Variants in MBNL1 observed in about 807,000 individuals in gnomAD.
The protein encoded by MBNL1 is muscleblind-like protein 1.
Under a neutral mutation model 42.2 loss-of-function variants are expected in MBNL1, and 8 were observed. That is an observed-to-expected ratio of 0.19 (90% confidence interval 0.11 to 0.34). MBNL1 has a LOEUF of 0.34. Among genes scored for constraint, MBNL1 ranks in the 10% least tolerant of loss-of-function variants. The pLI is 1.00. For missense variants in MBNL1, 309 were observed against 495.3 expected, an observed-to-expected ratio of 0.62 and a Z score of 3.57; for synonymous variants, 169 against 173.9, an observed-to-expected ratio of 0.97 and a Z score of 0.22.
chr3:152,303,747 G>T (rs2061693870), intron 2 of MBNL1, among the ~76,000 whole-genome samples: 1 of 151,770 alleles, frequency 6.6e-6, no homozygotes, highest in Admixed American at 6.6e-5. Context: ...AAGCTTTTAC[G>T]ATATGATCAA....
chr3:152,402,943 T>C (rs1560458012), intron 2 of MBNL1, among the ~76,000 whole-genome samples: 1 of 151,980 alleles, frequency 6.6e-6, no homozygotes, highest in Non-Finnish European at 1.5e-5. Flanking sequence ...GTGTAAACAG[T>C]GCCCAGTATT....
chr3:152,390,842 T>A (rs1425434477), intron 2 of MBNL1, among the ~76,000 whole-genome samples: 1 of 152,026 alleles, frequency 6.6e-6, no homozygotes, highest in Non-Finnish European at 1.5e-5. Flanking sequence ...GACTGCAGAG[T>A]AGCAGAGCAG....
At chr3:152,334,984 T>C in intron 2 of MBNL1, 1 of 780,726 alleles carries the variant, frequency 1.3e-6, no homozygotes, top group South Asian at 1.9e-5. Flanking sequence ...AAGAATGCTT[T>C]GGCTAGCATC....
At chr3:152,283,143 C>T (rs1305330045) in intron 1 of MBNL1, among the ~76,000 whole-genome samples, 1 of 152,180 alleles carries the variant, frequency 6.6e-6, no homozygotes, top group African/African-American at 2.4e-5. Flanking sequence ...TTAGAGCAAT[C>T]ACCAACTGCA....
Position 152,459,321 on chromosome 3 carries a change from G to C in MBNL1, c.1143G>C (p.Gln381His), listed in dbSNP as rs760876831. 5.1e-6 allele frequency: 8 copies of C among 1,573,718 alleles called. No homozygotes were observed. The East Asian group carries it at 1.9e-4, about 36-fold the overall frequency. Residue 381 changes from glutamine (Q) to histidine (H), a missense_variant, in exon 9 of 10, where the codon CAG becomes CAC. Coordinates refer to ENST00000324210, the MANE Select transcript of MBNL1 (RefSeq NM_021038.5). The stretch of plus-strand genomic sequence containing the variant: ...TGACTAGCCACAAGTATGTTACCCA[G>C]ATGTAGAATTTTCATCACTAAACAG... The part of the protein sequence containing the change: ...EHLTSHKYVT[Q>H]M
At chr3:152,287,384 A>T (rs910184424) in intron 1 of MBNL1, among the ~76,000 whole-genome samples, 8 of 152,200 alleles carry the variant, frequency 5.3e-5, no homozygotes, top group African/African-American at 1.9e-4. Context: ...TTGTGTCACC[A>T]AATCTTTAAA....
intron 1 of MBNL1, among the ~76,000 whole-genome samples, chr3:152,291,331 CT>C (rs1188855099): frequency 1.3e-5 from 2 of 152,156 alleles, no homozygotes; most frequent in African/African-American, 4.8e-5. Context: ...CCACATAAAT[CT>C]GTTTCGAATA....
chr3:152,248,145 A>C (rs773195159), intron 2 of MBNL1, among the ~76,000 whole-genome samples: 1 of 152,042 alleles, frequency 6.6e-6, no homozygotes, highest in Non-Finnish European at 1.5e-5. Context: ...CCTTAATTCA[A>C]TCTATTTTCT....
chr3:152,343,493 G>T lies in MBNL1; in HGVS notation c.174+43126G>T, dbSNP rs536933929. Among the ~76,000 whole-genome samples, 51 of 152,208 alleles carry T rather than the reference G, an allele frequency of 3.4e-4. 1 individual carries two copies. Among genetic ancestry groups the T allele is most frequent in the African/African-American group, 1.2e-3 (50 of 41,542 alleles). On this transcript the variant is annotated intron_variant, in intron 2 of 9. Coordinates refer to ENST00000324210, the MANE Select transcript of MBNL1 (RefSeq NM_021038.5). ...TATTTGCAACTTTAGAACAGTGTCTGGGAAATAGTGGGCACCCAATGCATG... is the reference window on the plus strand; with the variant it reads ...TATTTGCAACTTTAGAACAGTGTCTTGGAAATAGTGGGCACCCAATGCATG...
At chr3:152,306,097 A>G (rs2062986468) in intron 2 of MBNL1, among the ~76,000 whole-genome samples, 1 of 151,960 alleles carries the variant, frequency 6.6e-6, no homozygotes, top group African/African-American at 2.4e-5. Flanking sequence ...TGACCATTAC[A>G]TTTCTTCTTT....
At chr3:152,345,943 TTTTG>T (rs761747782) in intron 2 of MBNL1, among the ~76,000 whole-genome samples, 48 of 152,240 alleles carry the variant, frequency 3.2e-4, no homozygotes, top group Admixed American at 5.2e-4. Context: ...TAGGCTGGAT[TTTTG>T]TTTGTTTGTT....
At chr3:152,452,979 A>G (rs1726380122) in intron 6 of MBNL1, among the ~76,000 whole-genome samples, 1 of 152,084 alleles carries the variant, frequency 6.6e-6, no homozygotes, top group African/African-American at 2.4e-5. Flanking sequence ...CAAAGAAGAG[A>G]AAAAGATTTG....
chr3:152,251,337 A>G (rs1291568754), intron 2 of MBNL1, among the ~76,000 whole-genome samples: 3 of 152,110 alleles, frequency 2.0e-5, no homozygotes, highest in African/African-American at 7.2e-5. Context: ...AAACATTTAT[A>G]CATGGTGGCT....
chr3:152,404,221 A>G (rs895284991), intron 2 of MBNL1, among the ~76,000 whole-genome samples: 1 of 152,174 alleles, frequency 6.6e-6, no homozygotes, highest in Non-Finnish European at 1.5e-5. Context: ...TGTAATATAT[A>G]CTAATTTCTG....
At chr3:152,303,402 G>C (rs1577430576) in intron 2 of MBNL1, among the ~76,000 whole-genome samples, 1 of 152,102 alleles carries the variant, frequency 6.6e-6, no homozygotes, top group Admixed American at 6.5e-5. Flanking sequence ...AATAGTCTAA[G>C]AGCGTATTCA....
intron 2 of MBNL1, among the ~76,000 whole-genome samples, chr3:152,346,308 C>T (rs1430210783): frequency 6.6e-6 from 1 of 152,110 alleles, no homozygotes; most frequent in Non-Finnish European, 1.5e-5. Context: ...ATAGATTGTG[C>T]ATCTCAATGT....
At chr3:152,310,820 T>TG (rs986043827) in intron 2 of MBNL1, among the ~76,000 whole-genome samples, 26 of 151,618 alleles carry the variant, frequency 1.7e-4, no homozygotes, top group African/African-American at 5.6e-4. Flanking sequence ...ATAGACTGTT[T>TG]GGGGGGGTTG....
intron 2 of MBNL1, among the ~76,000 whole-genome samples, chr3:152,389,205 C>T (rs757841613): frequency 2.6e-5 from 4 of 152,156 alleles, no homozygotes; most frequent in Non-Finnish European, 5.9e-5. Context: ...TCTCCGGCCT[C>T]AGCCTCCAGA....
chr3:152,446,587 T>C, intron 5 of MBNL1: 1 of 702,158 alleles, frequency 1.4e-6, no homozygotes, highest in Non-Finnish European at 2.5e-6. Context: ...TTGTTTTTTC[T>C]CACCTACCCA....
Sources: allele counts gnomAD v4.1 joint callset (sites outside exome capture counted in the v4.1 genomes callset), GRCh38; gene constraint gnomAD v4.1.1; transcripts MANE v1.5; gene names NCBI Gene and HGNC (gene_info 2026-07-23, HGNC 2026-07-21).